SGTB: variants seen among roughly 807,000 people sequenced by gnomAD.
SGTB encodes small glutamine rich tetratricopeptide repeat co-chaperone beta, also known as small glutamine-rich tetratricopeptide repeat-containing protein beta.
In SGTB, 19 loss-of-function variants were observed where a neutral mutation model predicts 43.9. The ratio of observed to expected loss-of-function variants is 0.43; its 90% CI spans 0.30 to 0.63. The LOEUF is 0.63. Among genes scored for constraint, SGTB ranks in the 30% least tolerant of loss-of-function variants. The pLI is 0.12. For synonymous variants in SGTB, 116 were observed against 117.3 expected, an observed-to-expected ratio of 0.99 and a Z score of 0.07; for missense variants, 304 against 358.9, an observed-to-expected ratio of 0.85 and a Z score of 1.24.
At position 65,720,755 on chromosome 5, in the gene SGTB, T is replaced by C; in HGVS notation, c.53A>G (p.Gln18Arg). Residue 18 changes from glutamine (Q) to arginine (R), a missense_variant, in exon 2 of 11, where the codon CAA becomes CGA. Physicochemically the swap from Gln to Arg is conservative, Grantham distance 43. Transcript: ENST00000381007. ...VYAVIRFLRE[Q>R]SQMDTYTSDE... ...CGAGGTGTAAGTGTCCATCTGACTT[T>C]GTTCCCGTAAGAAACGAATAACTGC... 1 of 1,614,070 alleles carries C rather than the reference T, an allele frequency of 6.2e-7. No homozygotes were observed. The highest frequency in any genetic ancestry group is 8.5e-7 in the Non-Finnish European group (1 of 1,179,970).
intron 2 of SGTB, among the ~76,000 whole-genome samples, chr5:65,719,329 C>T (rs1406750171): frequency 1.3e-5 from 2 of 152,174 alleles, no homozygotes; most frequent in African/African-American, 4.8e-5. Context: ...GTGGCTCATG[C>T]CTGTAATCTC....
At chr5:65,670,467 A>G in intron 10 of SGTB, 110 bp from the exon 11 acceptor site, 1 of 793,872 alleles carries the variant, frequency 1.3e-6, no homozygotes, top group South Asian at 1.7e-5. Flanking sequence ...TTTTTTCTAT[A>G]AAAACAAGTT....
chr5:65,679,822 C>T (rs1257608780), intron 8 of SGTB, among the ~76,000 whole-genome samples: 2 of 152,120 alleles, frequency 1.3e-5, no homozygotes, highest in African/African-American at 4.8e-5. Context: ...GGTATATACC[C>T]GAAGGAATAG....
intron 8 of SGTB, 130 bp from the exon 9 acceptor site, chr5:65,672,411 A>T (rs764438420): frequency 1.3e-5 from 14 of 1,114,314 alleles, no homozygotes; most frequent in Non-Finnish European, 1.9e-5. Flanking sequence ...TCAGTGTGCT[A>T]TGCAAAGTAA....
chr5:65,690,108 G>A (rs1472358402), intron 5 of SGTB, among the ~76,000 whole-genome samples: 1 of 151,348 alleles, frequency 6.6e-6, no homozygotes, highest in Non-Finnish European at 1.5e-5. Flanking sequence ...TAGAAGGGGG[G>A]GATGTGGGGG....
chr5:65,701,882 G>A (rs1048854408), intron 5 of SGTB, among the ~76,000 whole-genome samples: 2 of 152,088 alleles, frequency 1.3e-5, no homozygotes, highest in African/African-American at 2.4e-5. Context: ...ATCCGCCCGC[G>A]TCGGCGTCCC....
At chr5:65,696,336 T>G (rs573386174) in intron 5 of SGTB, among the ~76,000 whole-genome samples, 204 of 152,306 alleles carry the variant, frequency 1.3e-3, no homozygotes, top group Non-Finnish European at 1.8e-3. Context: ...GAGCTGACTA[T>G]GGGTAAAGTA....
chr5:65,676,994 T>C (rs1012534152), intron 8 of SGTB, among the ~76,000 whole-genome samples: 69 of 124,466 alleles, frequency 5.5e-4, no homozygotes, highest in African/African-American at 1.8e-3. Flanking sequence ...CTGAAGGAGA[T>C]AGAGACACAG....
intron 5 of SGTB, among the ~76,000 whole-genome samples, chr5:65,700,920 G>C (rs1342908554): frequency 7.5e-6 from 1 of 134,042 alleles, no homozygotes; most frequent in Non-Finnish European, 1.5e-5. Flanking sequence ...TGAGACAGGA[G>C]AATCACTTGA....
At chr5:65,708,763 TG>T (rs1354470316) in intron 3 of SGTB, among the ~76,000 whole-genome samples, 1 of 152,248 alleles carries the variant, frequency 6.6e-6, no homozygotes, top group East Asian at 1.9e-4. Flanking sequence ...TATCTGTGAC[TG>T]GGCGTGGTGG....
At chr5:65,685,987 A>T (rs558410448) in intron 5 of SGTB, among the ~76,000 whole-genome samples, 4 of 152,344 alleles carry the variant, frequency 2.6e-5, no homozygotes, top group African/African-American at 9.6e-5. Flanking sequence ...AAGTTCTCAT[A>T]ATCTTGTCCC....
intron 5 of SGTB, among the ~76,000 whole-genome samples, chr5:65,691,804 G>A (rs567143731): frequency 2.6e-5 from 4 of 151,474 alleles, no homozygotes; most frequent in East Asian, 2.0e-4. Context: ...GGTGGCGGGC[G>A]CCTGTAGTCC....
chr5:65,692,740 G>A (rs1414300918), intron 5 of SGTB, among the ~76,000 whole-genome samples: 2 of 152,180 alleles, frequency 1.3e-5, no homozygotes, highest in African/African-American at 4.8e-5. Flanking sequence ...GGGACAAATG[G>A]AAAGATTTCA....
intron 5 of SGTB, among the ~76,000 whole-genome samples, chr5:65,689,914 T>A (rs2150710926): frequency 6.7e-6 from 1 of 150,080 alleles, no homozygotes; most frequent in East Asian, 1.9e-4. Context: ...TTAAAAAAAA[T>A]TAAGATTTGA....
In SGTB at chr5:65,671,920, G is replaced by A; in HGVS notation, c.798C>T (p.Ile266=). The change falls in exon 10 of 11, where the codon ATC becomes ATT. Residue 266 remains isoleucine (I), a synonymous_variant. Transcript: ENST00000381007. ...VGGLTDLSSL[I]QAGQQFAQQI... Reference sequence around the variant, plus strand: ...CTGTTTTAAATAATACTTACGCTTGGATGAGGCTTGACAGGTCAGTTAGGC... The same window carrying A: ...CTGTTTTAAATAATACTTACGCTTGAATGAGGCTTGACAGGTCAGTTAGGC... The A allele has an allele frequency of 6.2e-7, 1 of 1,613,720 alleles. No homozygotes were observed. Among genetic ancestry groups the A allele is most frequent in the South Asian group, 1.1e-5 (1 of 91,042 alleles).
At position 65,670,296 on chromosome 5, in the gene SGTB, T is replaced by C. The variant is rs762533445; in HGVS notation, c.865A>G (p.Asn289Asp). ...QNPELIEQLR[N>D]HIRSRSFSSS... ...CTGAATGATCTGCTCCGGATGTGATTTCTCAGTTGCTCTATAAGTTCAGGA... is the reference window on the plus strand; with the variant it reads ...CTGAATGATCTGCTCCGGATGTGATCTCTCAGTTGCTCTATAAGTTCAGGA... Residue 289 changes from asparagine to aspartate, a missense_variant, in exon 11 of 11, where the codon AAT (asparagine) becomes GAT (aspartate). Physicochemically the swap from Asn to Asp is conservative, Grantham distance 23. Coordinates refer to ENST00000381007, the MANE Select transcript of SGTB (RefSeq NM_019072.3). The C allele has an allele frequency of 6.2e-7, 1 of 1,614,172 alleles. No homozygotes were observed. The highest frequency in any genetic ancestry group is 1.6e-4 in the Middle Eastern group (1 of 6,062).
chr5:65,677,765 G>T (rs1757310969), intron 8 of SGTB, among the ~76,000 whole-genome samples: 1 of 152,164 alleles, frequency 6.6e-6, no homozygotes, highest in Non-Finnish European at 1.5e-5. Context: ...AATAGATGCT[G>T]AAGAGGCCTT....
chr5:65,708,584 CT>C, intron 3 of SGTB, 26 bp from the exon 4 acceptor site: 1 of 1,587,896 alleles, frequency 6.3e-7, no homozygotes, highest in Non-Finnish European at 8.6e-7. Flanking sequence ...AATCAATGCA[CT>C]TCCCTTTAGC....
chr5:65,670,765 C>T (rs977454349), intron 10 of SGTB, among the ~76,000 whole-genome samples: 13 of 152,172 alleles, frequency 8.5e-5, no homozygotes, highest in Non-Finnish European at 1.9e-4. Flanking sequence ...ATTTTAAAAA[C>T]ACTAAGAAGT....
Sources: gnomAD v4.1 joint callset for allele counts (sites outside exome capture counted in the v4.1 genomes callset) on GRCh38, gnomAD v4.1.1 for gene constraint, MANE v1.5 for transcripts, NCBI Gene and HGNC (gene_info 2026-07-23, HGNC 2026-07-21) for gene names.